The following HDAC9 variants were observed in gnomAD, a reference collection of about 807,000 sequenced individuals.
HDAC9 encodes MEF-2 interacting transcription repressor (MITR) protein.
HDAC9 carries 41 observed loss-of-function variants against 139.4 expected under a neutral mutation model. The ratio of observed to expected loss-of-function variants is 0.29; its 90% CI spans 0.23 to 0.38. The LOEUF (loss-of-function observed/expected upper bound fraction) is 0.38. HDAC9 is among the 10% of genes least tolerant of loss of function. The probability of loss-of-function intolerance (pLI) is 1.00; values close to 1 mark genes in which losing one functional copy is unlikely to be tolerated. For missense variants in HDAC9, 1,147 were observed against 1,297.0 expected, an observed-to-expected ratio of 0.88 and a Z score of 1.78; for synonymous variants, 517 against 476.2, an observed-to-expected ratio of 1.09 and a Z score of -1.12.
At chr7:18,105,057 T>C (rs1783110691) in intron 1 of HDAC9, among the ~76,000 whole-genome samples, 1 of 151,216 alleles carries the variant, frequency 6.6e-6, no homozygotes, top group South Asian at 2.1e-4. Context: ...TTTTTCTATC[T>C]AGCCTCAAAA....
At chr7:18,529,713 A>G (rs1808207254) in intron 2 of HDAC9, among the ~76,000 whole-genome samples, 1 of 152,208 alleles carries the variant, frequency 6.6e-6, no homozygotes, top group Admixed American at 6.5e-5. Context: ...AATTAAGAAA[A>G]TGCATTCATA....
intron 25 of HDAC9, among the ~76,000 whole-genome samples, chr7:18,993,914 A>T (rs533692042): frequency 6.6e-6 from 1 of 152,334 alleles, no homozygotes; most frequent in African/African-American, 2.4e-5. Flanking sequence ...CAAAAAAAAG[A>T]GGTCAATATA....
intron 1 of HDAC9, among the ~76,000 whole-genome samples, chr7:18,092,229 A>G (rs1439377624): frequency 6.6e-6 from 1 of 152,116 alleles, no homozygotes; most frequent in Non-Finnish European, 1.5e-5. Flanking sequence ...CTACAAAAAA[A>G]TGCAGAAAAA....
intron 2 of HDAC9, among the ~76,000 whole-genome samples, chr7:18,249,823 T>A (rs958630767): frequency 6.6e-6 from 1 of 152,168 alleles, no homozygotes; most frequent in African/African-American, 2.4e-5. Context: ...TAGGTTATAC[T>A]CCCCTGCAGG....
At chr7:18,207,367 T>C (rs1049513373) in intron 2 of HDAC9, among the ~76,000 whole-genome samples, 3 of 151,880 alleles carry the variant, frequency 2.0e-5, no homozygotes, top group Non-Finnish European at 2.9e-5. Context: ...AAAATAAATA[T>C]TTTAGGATCC....
intron 19 of HDAC9, among the ~76,000 whole-genome samples, chr7:18,834,512 C>T (rs1161506275): frequency 3.4e-5 from 5 of 146,194 alleles, no homozygotes; most frequent in African/African-American, 1.3e-4. Flanking sequence ...AAAGAACTGT[C>T]AAGTTTTATA....
intron 21 of HDAC9, among the ~76,000 whole-genome samples, chr7:18,860,612 C>T (rs1798034070): frequency 6.6e-6 from 1 of 151,774 alleles, no homozygotes; most frequent in Non-Finnish European, 1.5e-5. Flanking sequence ...AAACTCTTTT[C>T]CTGTCCTTTA....
At chr7:18,487,185 G>A (rs1169972100) in intron 1 of HDAC9, among the ~76,000 whole-genome samples, 1 of 151,928 alleles carries the variant, frequency 6.6e-6, no homozygotes, top group African/African-American at 2.4e-5. Flanking sequence ...TGAAAATAAA[G>A]GGAAAGAAAA....
intron 2 of HDAC9, among the ~76,000 whole-genome samples, chr7:18,539,890 TTAAAA>T (rs1237557819): frequency 6.6e-6 from 1 of 151,802 alleles, no homozygotes; most frequent in Non-Finnish European, 1.5e-5. Flanking sequence ...GCCAATTTGT[TTAAAA>T]TAAAACAAAA....
intron 6 of HDAC9, among the ~76,000 whole-genome samples, chr7:18,608,035 G>A (rs1836009229): frequency 6.6e-6 from 1 of 152,082 alleles, no homozygotes; most frequent in Admixed American, 6.6e-5. Context: ...GCCATCTGTT[G>A]TATAATCATG....
chr7:18,990,756 C>T (rs759797389), intron 25 of HDAC9, among the ~76,000 whole-genome samples: 3 of 152,216 alleles, frequency 2.0e-5, no homozygotes, highest in Non-Finnish European at 4.4e-5. Context: ...CCTGGTGCGC[C>T]GTTTTTTAAG....
intron 1 of HDAC9, among the ~76,000 whole-genome samples, chr7:18,148,613 C>A (rs555068948): frequency 6.6e-6 from 1 of 152,212 alleles, no homozygotes; most frequent in South Asian, 2.1e-4. Flanking sequence ...CTCGCCACCA[C>A]GCCCAGCTAA....
intron 22 of HDAC9, among the ~76,000 whole-genome samples, chr7:18,932,989 T>A (rs1250883416): frequency 6.6e-6 from 1 of 152,156 alleles, no homozygotes; most frequent in Non-Finnish European, 1.5e-5. Context: ...AGTCTTGCCA[T>A]ATAAGAATTT....
At chr7:18,778,442 A>G (rs2588598) in intron 16 of HDAC9, among the ~76,000 whole-genome samples, 1,799 of 152,182 alleles carry the variant, frequency 0.012, 25 homozygotes, top group African/African-American at 0.041. Flanking sequence ...TTATTAAGCT[A>G]CACTCTGTAG....
chr7:18,605,835 C>T (rs1835325460), intron 6 of HDAC9, among the ~76,000 whole-genome samples: 1 of 152,130 alleles, frequency 6.6e-6, no homozygotes, highest in Admixed American at 6.5e-5. Flanking sequence ...CGCCCTCCAC[C>T]ATGCCCAGCT....
chr7:18,090,499 C>T (rs1782075166), intron 1 of HDAC9, among the ~76,000 whole-genome samples: 1 of 152,220 alleles, frequency 6.6e-6, no homozygotes, highest in African/African-American at 2.4e-5. Context: ...ACATATTTCT[C>T]TGCCCTGCTG....
intron 22 of HDAC9, among the ~76,000 whole-genome samples, chr7:18,908,974 C>T (rs1802510809): frequency 6.6e-6 from 1 of 151,874 alleles, no homozygotes; most frequent in Non-Finnish European, 1.5e-5. Context: ...TTTTTGAGGA[C>T]CCTCCATACT....
At chr7:18,250,352 C>T (rs1794840684) in intron 2 of HDAC9, among the ~76,000 whole-genome samples, 1 of 152,186 alleles carries the variant, frequency 6.6e-6, no homozygotes, top group South Asian at 2.1e-4. Flanking sequence ...CTTTCCAGTA[C>T]AGTATGAATC....
intron 2 of HDAC9, among the ~76,000 whole-genome samples, chr7:18,183,498 ATCCTTGGGGATCT>A (rs1321030681): frequency 6.6e-6 from 1 of 152,198 alleles, no homozygotes; most frequent in African/African-American, 2.4e-5. Context: ...TCAGTTTCAA[ATCCTTGGGGATCT>A]TCCTTGGATT....
Sources: gnomAD v4.1 joint callset for allele counts (sites outside exome capture counted in the v4.1 genomes callset) on GRCh38, gnomAD v4.1.1 for gene constraint, MANE v1.5 for transcripts, NCBI Gene and HGNC (gene_info 2026-07-23, HGNC 2026-07-21) for gene names.